Variants in CAMK1D observed in about 807,000 individuals in gnomAD.
CAMK1D encodes calcium/calmodulin-dependent protein kinase type 1D.
A neutral mutation model predicts 47.7 loss-of-function variants in CAMK1D; 9 were observed. That is an observed-to-expected ratio of 0.19 (90% CI 0.11 to 0.33). The LOEUF (loss-of-function observed/expected upper bound fraction) is 0.33, where lower values mean the gene tolerates loss of function less well. CAMK1D is among the 10% of genes least tolerant of loss of function. CAMK1D has a pLI of 1.00. For missense variants in CAMK1D, 291 were observed against 488.7 expected (o/e 0.60, Z 3.81); for synonymous variants, 184 against 184.9 (o/e 0.99, Z 0.04).
Position 12,446,522 on chromosome 10 carries a change from G to A in CAMK1D, c.92+96612G>A, listed in dbSNP as rs1270513861. On this transcript the variant is annotated intron_variant, in intron 1 of 10. Transcript: ENST00000619168. ...GTCTTTATGACCTGTATCTTGTGCCGACCTCCTGTCTCATCCTGTGACTTA... is the reference window on the plus strand; with the variant it reads ...GTCTTTATGACCTGTATCTTGTGCCAACCTCCTGTCTCATCCTGTGACTTA... Among the ~76,000 whole-genome samples, 4 of 152,174 alleles carry A rather than the reference G, an allele frequency of 2.6e-5. No individual in the cohort carries two copies. The South Asian group carries it at 8.3e-4, about 32-fold the overall frequency.
intron 3 of CAMK1D, among the ~76,000 whole-genome samples, chr10:12,760,180 G>GGT (rs1836434628): frequency 1.3e-5 from 2 of 152,284 alleles, no homozygotes; most frequent in South Asian, 4.1e-4. Context: ...GTGCCAGAGA[G>GGT]GTTGCCCCCA....
chr10:12,798,180 C>A (rs1588941520), intron 6 of CAMK1D, among the ~76,000 whole-genome samples: 1 of 152,276 alleles, frequency 6.6e-6, no homozygotes, highest in East Asian at 1.9e-4. Flanking sequence ...ATTTTACTTC[C>A]TGTGCTCTTA....
intron 2 of CAMK1D, among the ~76,000 whole-genome samples, chr10:12,572,446 A>C (rs1588647458): frequency 1.3e-5 from 2 of 152,182 alleles, no homozygotes; most frequent in East Asian, 3.9e-4. Flanking sequence ...AACCATTGAA[A>C]ATTTTTGCAT....
intron 1 of CAMK1D, among the ~76,000 whole-genome samples, chr10:12,362,217 C>G (rs1837686251): frequency 6.6e-6 from 1 of 152,140 alleles, no homozygotes; most frequent in East Asian, 1.9e-4. Context: ...CCACATTGAA[C>G]CTCCACTCCA....
intron 5 of CAMK1D, among the ~76,000 whole-genome samples, chr10:12,771,121 G>C (rs570020002): frequency 2.0e-5 from 3 of 152,148 alleles, no homozygotes; most frequent in Admixed American, 1.3e-4. Flanking sequence ...GTAGAGACAG[G>C]GTTTTGTCAT....
intron 5 of CAMK1D, among the ~76,000 whole-genome samples, chr10:12,788,077 T>C (rs1469135444): frequency 3.3e-5 from 5 of 152,244 alleles, no homozygotes; most frequent in African/African-American, 9.6e-5. Context: ...GACACAAATA[T>C]GTAAATCTCC....
At position 12,698,673 on chromosome 10, in the gene CAMK1D, A is replaced by ATTTTTTTTTT. The variant is rs573723767; in HGVS notation, c.299+31872_299+31881dup. ...GAAGAAAAATGATGCCCTTTAAAGAATTTTTTTTTTTTTTTTTTGAGACGG... is the reference window on the plus strand; with the variant it reads ...GAAGAAAAATGATGCCCTTTAAAGAATTTTTTTTTTTTTTTTTTTTTTTTTTTTGAGACGG... On this transcript the variant is annotated intron_variant, in intron 3 of 10. Transcript: ENST00000619168. Among the ~76,000 whole-genome samples the ATTTTTTTTTT allele has an allele frequency of 8.3e-4, 86 of 103,898 alleles. 6 individuals are homozygous for ATTTTTTTTTT. Among genetic ancestry groups the ATTTTTTTTTT allele is most frequent in the Non-Finnish European group, 9.2e-4 (49 of 53,426 alleles). 68.2% of individuals were successfully genotyped at this position (103,898 alleles called of 152,430 possible). A position where few individuals can be genotyped will look rare whatever the true frequency, so the allele number is the denominator to read the frequency against.
chr10:12,427,698 C>CTGTTTTTTTTGTTTTTTTTTTTTTTT (rs1840282580), intron 1 of CAMK1D, among the ~76,000 whole-genome samples: 1 of 27,366 alleles, frequency 3.7e-5, no homozygotes, highest in African/African-American at 1.1e-4. Flanking sequence ...ACTGAACTTA[C>CTGTTTTTTTTGTTTTTTTTTTTTTTT]TGTTTTTTTT....
chr10:12,737,473 G>A (rs1488570814), intron 3 of CAMK1D, among the ~76,000 whole-genome samples: 6 of 152,066 alleles, frequency 3.9e-5, no homozygotes, highest in African/African-American at 7.2e-5. Flanking sequence ...AGGCTGTCTC[G>A]TATTCCCCAG....
chr10:12,808,211 G>A (rs976777412), intron 6 of CAMK1D, among the ~76,000 whole-genome samples: 3 of 152,192 alleles, frequency 2.0e-5, no homozygotes, highest in African/African-American at 4.8e-5. Context: ...TGGCTTGCAC[G>A]CCCTTGTATA....
At chr10:12,825,081 A>C (rs1279689016) in intron 9 of CAMK1D, among the ~76,000 whole-genome samples, 1 of 152,254 alleles carries the variant, frequency 6.6e-6, no homozygotes, top group African/African-American at 2.4e-5. Context: ...GACGGAAACA[A>C]AATTAATTTT....
chr10:12,753,524 A>T (rs1836084483), intron 3 of CAMK1D, among the ~76,000 whole-genome samples: 1 of 152,250 alleles, frequency 6.6e-6, no homozygotes, highest in African/African-American at 2.4e-5. Flanking sequence ...AGAAGTCACA[A>T]TTCTCAGTTG....
intron 3 of CAMK1D, among the ~76,000 whole-genome samples, chr10:12,689,807 CCTG>C (rs1383124581): frequency 2.0e-5 from 3 of 151,718 alleles, no homozygotes; most frequent in Admixed American, 6.6e-5. Context: ...TTGAACTGAG[CCTG>C]CTATTTATAA....
chr10:12,695,373 G>A (rs1469288201), intron 3 of CAMK1D, among the ~76,000 whole-genome samples: 2 of 152,036 alleles, frequency 1.3e-5, no homozygotes, highest in East Asian at 3.9e-4. Context: ...TTTCCAAAGA[G>A]CCATGTCCTG....
chr10:12,734,341 AAAAAATATATATATAT>A (rs1357999480), intron 3 of CAMK1D, among the ~76,000 whole-genome samples: 3 of 27,370 alleles, frequency 1.1e-4, no homozygotes, highest in Non-Finnish European at 1.9e-4. Context: ...AAAAAAAAAA[AAAAAATATATATATAT>A]ATATATATAT....
At chr10:12,401,788 A>G (rs181822770) in intron 1 of CAMK1D, among the ~76,000 whole-genome samples, 346 of 152,024 alleles carry the variant, frequency 2.3e-3, no homozygotes, top group African/African-American at 7.1e-3. Context: ...CAGAGGATGG[A>G]TGAATGAGAA....
intron 1 of CAMK1D, among the ~76,000 whole-genome samples, chr10:12,478,956 G>A (rs1345138443): frequency 2.6e-5 from 4 of 152,200 alleles, no homozygotes; most frequent in East Asian, 1.9e-4. Flanking sequence ...AGTGTTTGAC[G>A]TATTTTCTCC....
intron 1 of CAMK1D, among the ~76,000 whole-genome samples, chr10:12,460,124 T>G (rs961172498): frequency 3.9e-5 from 6 of 152,206 alleles, no homozygotes; most frequent in African/African-American, 1.4e-4. Flanking sequence ...CAGATTCTTA[T>G]TTCCTAATCA....
At chr10:12,620,103 A>C (rs973283301) in intron 2 of CAMK1D, among the ~76,000 whole-genome samples, 1 of 145,726 alleles carries the variant, frequency 6.9e-6, no homozygotes, top group African/African-American at 2.6e-5. Context: ...AAGGACACCT[A>C]GTTTGTGTCC....
Sources: allele counts gnomAD v4.1 joint callset (sites outside exome capture counted in the v4.1 genomes callset), GRCh38; gene constraint gnomAD v4.1.1; transcripts MANE v1.5; gene names NCBI Gene and HGNC (gene_info 2026-07-23, HGNC 2026-07-21).